CASQ1: variants seen among roughly 807,000 people sequenced by gnomAD.
CASQ1 encodes calsequestrin 1.
A neutral mutation model predicts 49.5 loss-of-function variants in CASQ1; 40 were observed. That is an observed-to-expected ratio of 0.81 (90% CI 0.63 to 1.05). CASQ1 has a LOEUF of 1.05. Ranked by LOEUF, CASQ1 falls within the 50% of genes least tolerant of loss-of-function variation. The pLI is 0.00. For missense variants in CASQ1, 469 were observed against 486.9 expected (o/e 0.96, Z 0.35); for synonymous variants, 174 against 187.2 (o/e 0.93, Z 0.58).
chr1:160,200,680 G>C (rs924361239), intron 10 of CASQ1, among the ~76,000 whole-genome samples: 3 of 152,152 alleles, frequency 2.0e-5, no homozygotes, highest in Non-Finnish European at 2.9e-5. Flanking sequence ...TGAGAGTCTA[G>C]AGATCACTGA....
chr1:160,196,718 C>T (rs1479351799), intron 6 of CASQ1, among the ~76,000 whole-genome samples: 4 of 152,148 alleles, frequency 2.6e-5, no homozygotes, highest in Non-Finnish European at 4.4e-5. Flanking sequence ...TCAAGTGATG[C>T]GCCTGCCTCG....
intron 1 of CASQ1, 83 bp downstream of exon 1, chr1:160,191,113 A>G: frequency 1.4e-6 from 2 of 1,464,552 alleles, no homozygotes; most frequent in Non-Finnish European, 1.9e-6. Flanking sequence ...TAGCTCTTTG[A>G]GGATGGGATC....
chr1:160,199,462 G>A (rs1654320234), intron 9 of CASQ1, among the ~76,000 whole-genome samples: 1 of 152,204 alleles, frequency 6.6e-6, no homozygotes, highest in Admixed American at 6.5e-5. Context: ...GTAACTGAAA[G>A]AACAAAGAGA....
intron 6 of CASQ1, among the ~76,000 whole-genome samples, chr1:160,197,097 C>T (rs533132741): frequency 1.3e-5 from 2 of 152,306 alleles, no homozygotes; most frequent in South Asian, 4.1e-4. Context: ...TATCCAATCA[C>T]TCTGTCCCCC....
At chr1:160,199,497 C>T (rs1356804096) in intron 9 of CASQ1, among the ~76,000 whole-genome samples, 1 of 152,158 alleles carries the variant, frequency 6.6e-6, no homozygotes, top group African/African-American at 2.4e-5. Context: ...TGGCACTTAC[C>T]AGGTATACTT....
chr1:160,193,791 G>C lies in CASQ1; in HGVS notation c.409G>C (p.Val137Leu), dbSNP rs757913795. The C allele has an allele frequency of 6.2e-7, 1 of 1,613,066 alleles. No individual in the cohort carries two copies. Among genetic ancestry groups the C allele is most frequent in the Non-Finnish European group, 8.5e-7 (1 of 1,179,318 alleles). The change falls in exon 3 of 11, where the codon GTC (valine) becomes CTC (leucine). Residue 137 changes from valine to leucine, a missense_variant. Coordinates refer to ENST00000368078, the MANE Select transcript of CASQ1 (RefSeq NM_001231.5). ...DSMYVFKGDE[V>L]IEYDGEFSAD... Reference sequence around the variant, plus strand: ...CATGTATGTATTCAAGGGAGATGAAGTCATTGAGTACGATGGCGAGTTTTC... The same window carrying C: ...CATGTATGTATTCAAGGGAGATGAACTCATTGAGTACGATGGCGAGTTTTC...
chr1:160,191,838 T>TGGCCTGGCATTCAGATA (rs3838216), intron 1 of CASQ1, among the ~76,000 whole-genome samples: 48,662 of 152,156 alleles, frequency 0.32, 9,618 homozygotes, highest in African/African-American at 0.57. Flanking sequence ...GCCCCTTCTC[T>TGGCCTGGCATTCAGATA]GGCCTCAGCT....
intron 1 of CASQ1, among the ~76,000 whole-genome samples, chr1:160,191,743 G>GA (rs571275890): frequency 1.1e-4 from 17 of 152,000 alleles, no homozygotes; most frequent in African/African-American, 2.9e-4. Flanking sequence ...CATAAGAAAA[G>GA]AAAAAAAACC....
intron 9 of CASQ1, 72 bp from the exon 10 acceptor site, chr1:160,199,779 C>T: frequency 2.8e-6 from 3 of 1,067,174 alleles, no homozygotes; most frequent in Non-Finnish European, 4.4e-6. Context: ...TGGGCTGACC[C>T]TCACACTCAT....
rs776017969 is a variant in CASQ1, at chr1:160,201,419, C to T, written c.*43C>T. The T allele has an allele frequency of 1.2e-5, 20 of 1,605,348 alleles. No individual in the cohort carries two copies. The Admixed American group carries it at 3.2e-4, about 26-fold the overall frequency. On this transcript the variant is annotated 3_prime_UTR_variant, in exon 11 of 11. Coordinates refer to ENST00000368078, the MANE Select transcript of CASQ1 (RefSeq NM_001231.5). ...TTTCAGCCCCACTGGTCTTTTCATGCTCTCTCCTGCCTTCCCTTGTCCTTC... is the reference window on the plus strand; with the variant it reads ...TTTCAGCCCCACTGGTCTTTTCATGTTCTCTCCTGCCTTCCCTTGTCCTTC...
In CASQ1 at chr1:160,201,854, A is replaced by G. The variant is rs960937003; in HGVS notation, c.*478A>G. ...TGTTAATGTATTTGGGTCAAATGAG[A>G]GGCCTCAATAAAGACATCTGGGGCA... On this transcript the variant is annotated 3_prime_UTR_variant, in exon 11 of 11. Coordinates refer to ENST00000368078, the MANE Select transcript of CASQ1 (RefSeq NM_001231.5). The G allele has an allele frequency of 6.3e-6, 1 of 158,708 alleles. No individual in the cohort carries two copies. The highest frequency in any genetic ancestry group is 1.4e-5 in the Non-Finnish European group (1 of 71,622). The allele number at this position is 158,708 out of a possible 1,614,324, so 9.8% of individuals were successfully genotyped here. A position where few individuals can be genotyped will look rare whatever the true frequency, so the allele number is the denominator to read the frequency against.
chr1:160,201,548 G>A lies in CASQ1; in HGVS notation c.*172G>A. On this transcript the variant is annotated 3_prime_UTR_variant, in exon 11 of 11. Transcript: ENST00000368078. Reference sequence around the variant, plus strand: ...GATCCCCCTCATTTGATGAGCAAATGAGCTACTTTTCCCTAGACACCAGGC... The same window carrying A: ...GATCCCCCTCATTTGATGAGCAAATAAGCTACTTTTCCCTAGACACCAGGC... 1.5e-6 allele frequency: 1 copy of A among 660,302 alleles called. No individual in the cohort carries two copies. Among genetic ancestry groups the A allele is most frequent in the Non-Finnish European group, 2.6e-6 (1 of 383,052 alleles). 40.9% of individuals were successfully genotyped at this position (660,302 alleles called of 1,614,324 possible). A position where few individuals can be genotyped will look rare whatever the true frequency, so the allele number is the denominator to read the frequency against.
At chr1:160,194,248 A>C (rs1239964426) in intron 3 of CASQ1, among the ~76,000 whole-genome samples, 1 of 146,032 alleles carries the variant, frequency 6.8e-6, no homozygotes, top group Non-Finnish European at 1.5e-5. Context: ...GCACATACAC[A>C]ACAAACACAC....
At position 160,192,771 on chromosome 1, in the gene CASQ1, G is replaced by C. The variant is rs139250382; in HGVS notation, c.280-31G>C. On this transcript the variant is annotated intron_variant, in intron 1 of 10. Transcript: ENST00000368078. Reference sequence around the variant, plus strand: ...AATAGGGGATAATAAAAATTCCAGGGGCTAATTTTAATCATAATCCTTCCC... The same window carrying C: ...AATAGGGGATAATAAAAATTCCAGGCGCTAATTTTAATCATAATCCTTCCC... 1.9e-5 allele frequency: 30 copies of C among 1,593,560 alleles called. No homozygotes were observed. In the African/African-American group the frequency reaches 3.6e-4, roughly 19 times the overall value.
chr1:160,198,533 C>T (rs1005689717), intron 7 of CASQ1, 144 bp from the exon 8 acceptor site: 49 of 616,094 alleles, frequency 8.0e-5, no homozygotes, highest in East Asian at 3.0e-4. Flanking sequence ...CCCCAAAAAA[C>T]GAAAGAATAT....
intron 5 of CASQ1, 69 bp from the exon 6 acceptor site, chr1:160,195,828 C>T (rs1654210930): frequency 1.3e-6 from 2 of 1,518,446 alleles, no homozygotes; most frequent in African/African-American, 1.4e-5. Flanking sequence ...ATTTGTTCCC[C>T]CATTATACTG....
In CASQ1 at chr1:160,195,481, G is replaced by A; in HGVS notation, c.598G>A (p.Ala200Thr). 6.2e-7 allele frequency: 1 copy of A among 1,614,090 alleles called. No homozygotes were observed. Among genetic ancestry groups the A allele is most frequent in the South Asian group, 1.1e-5 (1 of 91,072 alleles). Reference protein sequence around the residue: ...DSEHYKAFEDAAEEFHPYIPF... With the variant: ...DSEHYKAFEDTAEEFHPYIPF... The stretch of plus-strand genomic sequence containing the variant: ...CCCAGATTACAAAGCCTTCGAGGAT[G>A]CAGCTGAGGAGTTTCATCCCTACAT... Residue 200 changes from alanine (A) to threonine (T), a missense_variant, in exon 5 of 11, where the codon GCA (alanine) becomes ACA (threonine). Transcript: ENST00000368078.
At chr1:160,194,910 T>G in intron 3 of CASQ1, 102 bp from the exon 4 acceptor site, 1 of 676,834 alleles carries the variant, frequency 1.5e-6, no homozygotes, top group Non-Finnish European at 2.6e-6. Flanking sequence ...ACTGTCAACA[T>G]CTAGCCCCCT....
rs78149381 is a variant in CASQ1 at position 160,195,456 on chromosome 1, C to G, written c.578-5C>G. On this transcript the variant is annotated splice_region_variant and splice_polypyrimidine_tract_variant and intron_variant, in intron 4 of 10. Coordinates refer to ENST00000368078, the MANE Select transcript of CASQ1 (RefSeq NM_001231.5). The stretch of plus-strand genomic sequence containing the variant: ...CAGAGACTGACTCTGCATTCCACCC[C>G]CCAGATTACAAAGCCTTCGAGGATG... The G allele has an allele frequency of 3.0e-3, 4,883 of 1,613,864 alleles. 106 individuals are homozygous for G. The East Asian group carries it at 0.057, about 19-fold the overall frequency.
Sources: gnomAD v4.1 joint callset for allele counts (sites outside exome capture counted in the v4.1 genomes callset) on GRCh38, gnomAD v4.1.1 for gene constraint, MANE v1.5 for transcripts, NCBI Gene and HGNC (gene_info 2026-07-23, HGNC 2026-07-21) for gene names.